The following CLPP variants were observed in gnomAD, a reference collection of about 807,000 sequenced individuals.
The protein encoded by CLPP is ATP-dependent Clp protease proteolytic subunit, mitochondrial.
In CLPP, 14 loss-of-function variants were observed where a neutral mutation model predicts 27.4. That is an observed-to-expected ratio of 0.51 (90% CI 0.34 to 0.80). CLPP has a LOEUF of 0.80. Among genes scored for constraint, CLPP ranks in the 30% least tolerant of loss-of-function variants. CLPP has a pLI of 0.02. For synonymous variants in CLPP, 193 were observed against 166.6 expected (o/e 1.16, Z -1.22); for missense variants, 361 against 403.6 (o/e 0.89, Z 0.90).
intron 4 of CLPP, among the ~76,000 whole-genome samples, chr19:6,365,502 C>T (rs1369698751): frequency 6.6e-6 from 1 of 152,074 alleles, no homozygotes; most frequent in Non-Finnish European, 1.5e-5. Flanking sequence ...AAAGAAAATG[C>T]ACTGAGGAGT....
At chr19:6,361,810 G>A (rs771955936) in intron 1 of CLPP, 38 bp downstream of exon 1, 7 of 1,564,176 alleles carry the variant, frequency 4.5e-6, no homozygotes, top group South Asian at 1.1e-5. Context: ...CGGGGGCTCC[G>A]GGCTGGGTGG....
rs1452158211 is a variant in CLPP, at chr19:6,369,722, G to T, written c.*1012G>T. On this transcript the variant is annotated 3_prime_UTR_variant, in exon 6 of 6. Transcript: ENST00000245816. ...GGCGTGATGGTGCACTTGAACCCGG[G>T]AGGCAGAGGTTGCAGTGAGCCAAGA... Among the ~76,000 whole-genome samples the T allele has an allele frequency of 6.6e-6, 1 of 151,938 alleles. No homozygotes were observed. The highest frequency in any genetic ancestry group is 1.5e-5 in the Non-Finnish European group (1 of 67,990).
At chr19:6,367,940 A>G (rs955225592) in intron 5 of CLPP, among the ~76,000 whole-genome samples, 10 of 152,068 alleles carry the variant, frequency 6.6e-5, no homozygotes, top group Admixed American at 1.3e-4. Flanking sequence ...CCAATGGTGA[A>G]ACATGAGGCC....
rs2091875592 is a variant in CLPP, at chr19:6,369,069, A to G, written c.*359A>G. 6.6e-6 allele frequency among the ~76,000 whole-genome samples: 1 copy of G among 152,144 alleles called. No individual in the cohort carries two copies. The highest frequency in any genetic ancestry group is 2.4e-5 in the African/African-American group (1 of 41,426). ...TTCCAGGCAGTGTTCTTTTGTGAAG[A>G]AGACACAAGAAACCCTCCTCAAAAG... On this transcript the variant is annotated 3_prime_UTR_variant, in exon 6 of 6. Transcript: ENST00000245816.
chr19:6,366,202 G>C, intron 4 of CLPP, 56 bp from the exon 5 acceptor site: 1 of 1,262,702 alleles, frequency 7.9e-7, no homozygotes, highest in Non-Finnish European at 1.1e-6. Context: ...GCCTCCCTGT[G>C]AGGGGCTGAC....
intron 3 of CLPP, 31 bp downstream of exon 3, chr19:6,362,573 C>T (rs1477019655): frequency 2.0e-6 from 3 of 1,477,040 alleles, no homozygotes; most frequent in Admixed American, 3.3e-5. Context: ...GTGCCAGGGG[C>T]ACTCGTCAGG....
rs1013879991 is a variant in CLPP, at chr19:6,369,504, C to G, written c.*794C>G. Among the ~76,000 whole-genome samples, 1 of 151,776 alleles carries G rather than the reference C, an allele frequency of 6.6e-6. No homozygotes were observed. The highest frequency in any genetic ancestry group is 2.4e-5 in the African/African-American group (1 of 41,302). The stretch of plus-strand genomic sequence containing the variant: ...TTTTTATGGGGTAATCAGGGAAGCC[C>G]TCACTGAGAAGGTGGTGGTTGAGCA... On this transcript the variant is annotated 3_prime_UTR_variant, in exon 6 of 6. Coordinates refer to ENST00000245816, the MANE Select transcript of CLPP (RefSeq NM_006012.4).
intron 2 of CLPP, 141 bp downstream of exon 2, chr19:6,362,081 C>T (rs528507844): frequency 2.2e-4 from 164 of 758,178 alleles, no homozygotes; most frequent in Admixed American, 4.7e-4. Context: ...TCTGACTCCC[C>T]TCCTGGCTCC....
At chr19:6,364,674 C>G (rs753453770) in intron 4 of CLPP, 35 bp downstream of exon 4, 1 of 1,589,394 alleles carries the variant, frequency 6.3e-7, no homozygotes, top group Admixed American at 1.7e-5. Context: ...TGTTGGGAAT[C>G]AGGACAGGGT....
chr19:6,362,057 C>T, intron 2 of CLPP, 117 bp downstream of exon 2: 3 of 908,892 alleles, frequency 3.3e-6, no homozygotes, highest in Admixed American at 4.7e-5. Flanking sequence ...CCTTCTAACC[C>T]CCTTCCCTCC....
At position 6,361,710 on chromosome 19, in the gene CLPP, C is replaced by T. The variant is rs2091834568; in HGVS notation, c.136C>T (p.Arg46Trp). 1 of 1,504,162 alleles carries T rather than the reference C, an allele frequency of 6.6e-7. No homozygotes were observed. The highest frequency in any genetic ancestry group is 8.9e-7 in the Non-Finnish European group (1 of 1,129,574). 93.2% of individuals were successfully genotyped at this position (1,504,162 alleles called of 1,614,324 possible). A position where few individuals can be genotyped will look rare whatever the true frequency, so the allele number is the denominator to read the frequency against. The part of the protein sequence containing the change: ...RTLQNGLALQ[R>W]CLHATATRAL... ...ACTCCAGAACGGCCTGGCCCTGCAG[C>T]GGTGCCTGCACGCGACGGCGACCCG... The change falls in exon 1 of 6, where the codon CGG (arginine) becomes TGG (tryptophan). Residue 46 changes from arginine to tryptophan, a missense_variant. Transcript: ENST00000245816.
At position 6,369,847 on chromosome 19, in the gene CLPP, C is replaced by G. The variant is rs1222903797; in HGVS notation, c.*1137C>G. ...GAATAGATCATAAAAGGCCTGACAT[C>G]TAAAAGGAGGGATGTGAACCATGGA... On this transcript the variant is annotated 3_prime_UTR_variant, in exon 6 of 6. Coordinates refer to ENST00000245816, the MANE Select transcript of CLPP (RefSeq NM_006012.4). Among the ~76,000 whole-genome samples the G allele has an allele frequency of 1.3e-5, 2 of 151,460 alleles. No homozygotes were observed. Among genetic ancestry groups the G allele is most frequent in the African/African-American group, 4.8e-5 (2 of 41,246 alleles).
chr19:6,362,369 C>T (rs1410197275), intron 2 of CLPP, 77 bp from the exon 3 acceptor site: 11 of 1,009,200 alleles, frequency 1.1e-5, no homozygotes, highest in Non-Finnish European at 1.6e-5. Context: ...TCCTGGTTCC[C>T]TGACCCATCC....
chr19:6,364,148 A>G (rs1027846657), intron 3 of CLPP, among the ~76,000 whole-genome samples: 2 of 148,432 alleles, frequency 1.3e-5, no homozygotes, highest in Non-Finnish European at 3.0e-5. Flanking sequence ...CTGCTGCCTC[A>G]GCCTCCGGAA....
At chr19:6,368,406 C>A in intron 5 of CLPP, 132 bp from the exon 6 acceptor site, 1 of 862,836 alleles carries the variant, frequency 1.2e-6, no homozygotes, top group Non-Finnish European at 1.8e-6. Flanking sequence ...AATCCCATCC[C>A]ACTAGGGGAT....
chr19:6,364,351 G>C, intron 3 of CLPP, 101 bp from the exon 4 acceptor site: 1 of 1,093,732 alleles, frequency 9.1e-7, no homozygotes, highest in Non-Finnish European at 1.3e-6. Context: ...TAAAAAAGGA[G>C]GGGGGCTGCA....
At position 6,368,554 on chromosome 19, in the gene CLPP, G is replaced by A. The variant is rs2091873196; in HGVS notation, c.678G>A (p.Arg226=). The part of the protein sequence containing the change: ...SLQVIESAME[R]DRYMSPMEAQ... ...CCCCACCAGAGTCCGCCATGGAGAG[G>A]GACCGCTACATGAGCCCCATGGAGG... Residue 226 remains arginine (R), a synonymous_variant, in exon 6 of 6, where the codon AGG becomes AGA. Coordinates refer to ENST00000245816, the MANE Select transcript of CLPP (RefSeq NM_006012.4). The A allele has an allele frequency of 6.2e-7, 1 of 1,613,982 alleles. No individual in the cohort carries two copies. The highest frequency in any genetic ancestry group is 8.5e-7 in the Non-Finnish European group (1 of 1,180,028).
intron 3 of CLPP, among the ~76,000 whole-genome samples, chr19:6,363,474 G>A (rs887045737): frequency 2.6e-5 from 4 of 152,112 alleles, no homozygotes; most frequent in Non-Finnish European, 5.9e-5. Flanking sequence ...ATGGTCCACT[G>A]GCACATCTGG....
chr19:6,367,020 C>G (rs2091865855), intron 5 of CLPP, among the ~76,000 whole-genome samples: 1 of 151,746 alleles, frequency 6.6e-6, no homozygotes, highest in Admixed American at 6.6e-5. Flanking sequence ...GGGAGGATCA[C>G]TTGAGTTCAG....
Sources: allele counts gnomAD v4.1 joint callset (sites outside exome capture counted in the v4.1 genomes callset), GRCh38; gene constraint gnomAD v4.1.1; transcripts MANE v1.5; gene names NCBI Gene and HGNC (gene_info 2026-07-23, HGNC 2026-07-21).